SP110: variants seen among roughly 807,000 people sequenced by gnomAD.
SP110 encodes the protein interferon-induced protein 41, 30kD.
A neutral mutation model predicts 92.7 loss-of-function variants in SP110; 62 were observed. That is an observed-to-expected ratio of 0.67 (90% CI 0.55 to 0.83). The LOEUF (loss-of-function observed/expected upper bound fraction) is 0.83. SP110 is among the 40% of genes least tolerant of loss of function. SP110 has a pLI of 0.00. For missense variants in SP110, 793 were observed against 863.9 expected, an observed-to-expected ratio of 0.92 and a Z score of 1.03; for synonymous variants, 273 against 305.3, an observed-to-expected ratio of 0.89 and a Z score of 1.10.
chr2:230,193,745 T>C (rs1447421928), intron 10 of SP110, among the ~76,000 whole-genome samples: 5 of 152,118 alleles, frequency 3.3e-5, no homozygotes, highest in African/African-American at 4.8e-5. Flanking sequence ...TCCTTGCAAA[T>C]AGTAAAGATT....
rs577099079 is a variant in SP110 at position 230,216,709 on chromosome 2, T to C, written c.147+72A>G. On this transcript the variant is annotated intron_variant, in intron 2 of 18. Coordinates refer to ENST00000258381, the MANE Select transcript of SP110 (RefSeq NM_080424.4). Reference sequence around the variant, plus strand: ...AAACTCTGGAAGCCCTGGTGGTTTGTGGTTTGAGACTTTAATAATCAGGCA... The same window carrying C: ...AAACTCTGGAAGCCCTGGTGGTTTGCGGTTTGAGACTTTAATAATCAGGCA... 9 of 1,578,318 alleles carry C rather than the reference T, an allele frequency of 5.7e-6. No individual in the cohort carries two copies. In the Admixed American group the frequency reaches 1.5e-4, roughly 26 times the overall value.
intron 3 of SP110, 115 bp from the exon 4 acceptor site, chr2:230,213,142 C>G: frequency 1.0e-6 from 1 of 998,218 alleles, no homozygotes; most frequent in East Asian, 2.4e-5. Flanking sequence ...TATTCATTGT[C>G]CCCCAGGTGC....
chr2:230,206,020 T>C (rs1373313197), intron 8 of SP110, among the ~76,000 whole-genome samples: 1 of 152,172 alleles, frequency 6.6e-6, no homozygotes, highest in African/African-American at 2.4e-5. Flanking sequence ...TGTCTCTCCT[T>C]CCTGCCCAGG....
chr2:230,180,553 C>T (rs1159223078), intron 12 of SP110, among the ~76,000 whole-genome samples: 1 of 152,140 alleles, frequency 6.6e-6, no homozygotes, highest in Non-Finnish European at 1.5e-5. Context: ...TGACTGTCCT[C>T]ATTTTATAGA....
At chr2:230,176,691 G>A (rs1481039502) in intron 14 of SP110, 1 of 1,613,942 alleles carries the variant, frequency 6.2e-7, no homozygotes, top group South Asian at 1.1e-5. Flanking sequence ...TCTCTCTTGA[G>A]ATTTATTCTT....
upstream of SP110, among the ~76,000 whole-genome samples, chr2:230,221,540 T>C (rs373445815): frequency 6.6e-6 from 1 of 151,906 alleles, no homozygotes; most frequent in Non-Finnish European, 1.5e-5. Context: ...TGGCTGTGGG[T>C]GAAACAGAGG....
chr2:230,216,637 C>T, intron 2 of SP110, 144 bp downstream of exon 2: 1 of 968,924 alleles, frequency 1.0e-6, no homozygotes, highest in Non-Finnish European at 1.6e-6. Flanking sequence ...TCTCTCCTAA[C>T]TACCCCCACC....
intron 12 of SP110, among the ~76,000 whole-genome samples, chr2:230,181,863 A>G (rs2042142057): frequency 6.6e-6 from 1 of 152,270 alleles, no homozygotes; most frequent in Non-Finnish European, 1.5e-5. Context: ...GGGAATGTAA[A>G]TTAGTTTAAC....
chr2:230,188,595 C>T (rs2042467378), intron 10 of SP110, among the ~76,000 whole-genome samples: 1 of 152,062 alleles, frequency 6.6e-6, no homozygotes, highest in Non-Finnish European at 1.5e-5. Context: ...TAGATTTTTT[C>T]CCATTTAGTA....
chr2:230,203,643 C>G (rs969435915), intron 8 of SP110: 1 of 152,068 alleles, frequency 6.6e-6, no homozygotes, highest in African/African-American at 2.4e-5. Flanking sequence ...TTCTGCATAA[C>G]TAAAGGAGGG....
intron 3 of SP110, chr2:230,214,249 G>C (rs959216659): frequency 3.3e-5 from 5 of 151,978 alleles, no homozygotes; most frequent in Admixed American, 6.6e-5. Context: ...TTCTTTCTCA[G>C]ACCCTCTCTT....
intron 3 of SP110, chr2:230,214,209 C>T (rs1267435470): frequency 6.6e-6 from 1 of 152,326 alleles, no homozygotes; most frequent in East Asian, 1.9e-4. Flanking sequence ...TATCCAGTCT[C>T]TTTTCTTTCT....
intron 9 of SP110, 80 bp from the exon 10 acceptor site, chr2:230,201,045 A>G (rs958761518): frequency 9.0e-7 from 1 of 1,110,226 alleles, no homozygotes; most frequent in Non-Finnish European, 1.4e-6. Flanking sequence ...AGGCCCTTGC[A>G]CACTCTGAAG....
chr2:230,210,223 C>T (rs2044315009), intron 6 of SP110, among the ~76,000 whole-genome samples: 1 of 152,152 alleles, frequency 6.6e-6, no homozygotes, highest in Non-Finnish European at 1.5e-5. Flanking sequence ...GCACAACTGC[C>T]CCACAGCAGA....
chr2:230,173,440 G>A (rs908535996), intron 14 of SP110: 1 of 203,776 alleles, frequency 4.9e-6, no homozygotes, highest in Non-Finnish European at 1.0e-5. Flanking sequence ...GTTCCACAGT[G>A]GGCATGGATG....
rs748455592 is a variant in SP110, at chr2:230,183,586, T to G, written c.1334A>C (p.Asn445Thr). ...TGCTTGCTTACCTCTTCGGTGAATATTTTTCTGAAATCTCCTTTTTGAGCT... is the reference window on the plus strand; with the variant it reads ...TGCTTGCTTACCTCTTCGGTGAATAGTTTTCTGAAATCTCCTTTTTGAGCT... ...CSSSKRRFQK[N>T]IHRRGKPKSD... The change falls in exon 12 of 19, where the codon AAT becomes ACT. Residue 445 changes from asparagine (N) to threonine (T), a missense_variant. Coordinates refer to ENST00000258381, the MANE Select transcript of SP110 (RefSeq NM_080424.4). 3 of 1,610,046 alleles carry G rather than the reference T, an allele frequency of 1.9e-6. No individual in the cohort carries two copies. Among genetic ancestry groups the G allele is most frequent in the Non-Finnish European group, 2.6e-6 (3 of 1,176,230 alleles).
Position 230,213,026 on chromosome 2 carries a change from A to C in SP110, c.318T>G (p.Val106=). Residue 106 remains valine, a splice_region_variant and synonymous_variant, in exon 4 of 19, where the codon GTT becomes GTG. Transcript: ENST00000258381. ...LVTIYRSFKR[V]GASYEWQSRD... ...TGCTCTGCCATTCATAGGAAGCACC[A>C]ACTGGGATTGGTGAAGGGACACACA... 7 of 1,613,900 alleles carry C rather than the reference A, an allele frequency of 4.3e-6. No individual in the cohort carries two copies. Among genetic ancestry groups the C allele is most frequent in the Non-Finnish European group, 5.1e-6 (6 of 1,179,942 alleles).
At chr2:230,219,771 G>T in intron 1 of SP110, 103 bp downstream of exon 1, 1 of 244,900 alleles carries the variant, frequency 4.1e-6, no homozygotes, top group Non-Finnish European at 6.5e-6. Context: ...GAGCCTCAGA[G>T]TTTAAATAGT....
At chr2:230,188,341 T>C (rs2042453140) in intron 10 of SP110, among the ~76,000 whole-genome samples, 1 of 152,198 alleles carries the variant, frequency 6.6e-6, no homozygotes, top group Non-Finnish European at 1.5e-5. Context: ...TTTGATTTTG[T>C]AACCTGAGAC....
Sources: allele counts gnomAD v4.1 joint callset (sites outside exome capture counted in the v4.1 genomes callset), GRCh38; gene constraint gnomAD v4.1.1; transcripts MANE v1.5; gene names NCBI Gene and HGNC (gene_info 2026-07-23, HGNC 2026-07-21).